The following LOC128092252 variants were observed in gnomAD, a reference collection of about 807,000 sequenced individuals.
the LOC128092252 span, among the ~76,000 whole-genome samples, chr15:50,671,067 G>C: frequency 6.6e-6 from 1 of 152,156 alleles, no homozygotes; most frequent in East Asian, 1.9e-4. Context: ...TTTGTGGTGA[G>C]ACCACTTAAA....
At chr15:50,649,299 T>A in the LOC128092252 span, among the ~76,000 whole-genome samples, 49,954 of 151,892 alleles carry the variant, frequency 0.33, 10,025 homozygotes, top group Admixed American at 0.47. Context: ...ATTAGGCAAG[T>A]GTGGTGGCAT....
chr15:50,648,877 CA>C, the LOC128092252 span: 4 of 1,600,738 alleles, frequency 2.5e-6, no homozygotes, highest in Admixed American at 1.7e-5. Context: ...CAAGCGACCA[CA>C]AAAACACCTA....
At chr15:50,661,817 T>A in the LOC128092252 span, among the ~76,000 whole-genome samples, 1 of 152,226 alleles carries the variant, frequency 6.6e-6, no homozygotes, top group African/African-American at 2.4e-5. Flanking sequence ...CTTTTGTCAA[T>A]TAATTTTCAT....
chr15:50,685,382 C>T, the LOC128092252 span, among the ~76,000 whole-genome samples: 1 of 152,120 alleles, frequency 6.6e-6, no homozygotes, highest in African/African-American at 2.4e-5. Flanking sequence ...GCCTGAATCC[C>T]GGAGGCGGAT....
At chr15:50,685,187 GCGC>G in the LOC128092252 span, among the ~76,000 whole-genome samples, 1 of 152,224 alleles carries the variant, frequency 6.6e-6, no homozygotes, top group African/African-American at 2.4e-5. Flanking sequence ...TGTTGGCCTG[GCGC>G]GGTGGCTCAC....
the LOC128092252 span, among the ~76,000 whole-genome samples, chr15:50,672,636 G>A: frequency 4.0e-5 from 6 of 151,730 alleles, no homozygotes; most frequent in Non-Finnish European, 8.8e-5. Context: ...GTAGCCAGGT[G>A]CGGTGGCTCA....
chr15:50,660,410 T>C, the LOC128092252 span, among the ~76,000 whole-genome samples: 1 of 152,186 alleles, frequency 6.6e-6, no homozygotes, highest in Non-Finnish European at 1.5e-5. Context: ...TGACTCACTT[T>C]GGGAGGCTGA....
chr15:50,679,198 G>A, the LOC128092252 span, among the ~76,000 whole-genome samples: 1 of 134,850 alleles, frequency 7.4e-6, no homozygotes, highest in African/African-American at 3.0e-5. Context: ...TAGCCAGGTT[G>A]GTGGTATGGG....
the LOC128092252 span, chr15:50,657,662 A>C: frequency 1.2e-6 from 1 of 858,398 alleles, no homozygotes; most frequent in Admixed American, 2.3e-5. Flanking sequence ...GTCTAGGTAA[A>C]GTACCCATCA....
the LOC128092252 span, among the ~76,000 whole-genome samples, chr15:50,673,672 G>A: frequency 4.6e-5 from 7 of 151,884 alleles, no homozygotes; most frequent in East Asian, 1.2e-3. Flanking sequence ...TTATCCACTC[G>A]TTGACTTGAT....
chr15:50,683,590 C>T, the LOC128092252 span, among the ~76,000 whole-genome samples: 1 of 151,992 alleles, frequency 6.6e-6, no homozygotes, highest in Non-Finnish European at 1.5e-5. Flanking sequence ...AAAAATTAGC[C>T]GGGTGTGGTG....
chr15:50,653,134 AC>A, the LOC128092252 span, among the ~76,000 whole-genome samples: 1 of 152,062 alleles, frequency 6.6e-6, no homozygotes, highest in Non-Finnish European at 1.5e-5. Flanking sequence ...ACAGAGTGAG[AC>A]CCTGTTTCCC....
chr15:50,672,685 G>A, the LOC128092252 span, among the ~76,000 whole-genome samples: 7 of 151,722 alleles, frequency 4.6e-5, no homozygotes, highest in African/African-American at 1.5e-4. Flanking sequence ...TGAGGCAGGC[G>A]GATCATCTGA....
the LOC128092252 span, among the ~76,000 whole-genome samples, chr15:50,684,110 C>A: frequency 2.6e-5 from 4 of 151,712 alleles, no homozygotes; most frequent in Non-Finnish European, 5.9e-5. Context: ...CAGCCTGTCG[C>A]CGCCTCCCAA....
chr15:50,677,434 G>C, the LOC128092252 span, among the ~76,000 whole-genome samples: 4 of 151,724 alleles, frequency 2.6e-5, no homozygotes, highest in African/African-American at 9.7e-5. Flanking sequence ...CACACACAGA[G>C]CACAGGATTA....
At chr15:50,675,277 A>G in the LOC128092252 span, among the ~76,000 whole-genome samples, 2 of 151,934 alleles carry the variant, frequency 1.3e-5, no homozygotes, top group Non-Finnish European at 2.9e-5. Flanking sequence ...CAGGACACAG[A>G]GGTTGCAGTG....
chr15:50,671,855 T>G, the LOC128092252 span, among the ~76,000 whole-genome samples: 1 of 152,084 alleles, frequency 6.6e-6, no homozygotes, highest in Non-Finnish European at 1.5e-5. Context: ...CATAAGTTCA[T>G]AGCACCAGGA....
the LOC128092252 span, among the ~76,000 whole-genome samples, chr15:50,678,521 T>A: frequency 0.29 from 33,017 of 114,964 alleles, 4,251 homozygotes; most frequent in East Asian, 0.45. Flanking sequence ...AAAAAAAATA[T>A]ATATATATAT....
chr15:50,682,860 A>G, the LOC128092252 span, among the ~76,000 whole-genome samples: 1 of 151,670 alleles, frequency 6.6e-6, no homozygotes, highest in African/African-American at 2.4e-5. Context: ...TATGTCCTAA[A>G]CTAACCTCAA....
Sources: allele counts gnomAD v4.1 joint callset (sites outside exome capture counted in the v4.1 genomes callset), GRCh38; gene constraint gnomAD v4.1.1; transcripts MANE v1.5.